The following DGKG variants were observed in gnomAD, a reference collection of about 807,000 sequenced individuals.
DGKG encodes the protein DAG kinase gamma.
In DGKG, 78 loss-of-function variants were observed where a neutral mutation model predicts 105.3. That is an observed-to-expected ratio of 0.74 (90% CI 0.62 to 0.89). DGKG has a LOEUF of 0.89. Among genes scored for constraint, DGKG ranks in the 40% least tolerant of loss-of-function variants. The probability of loss-of-function intolerance (pLI) is 0.00; values close to 1 mark genes in which losing one functional copy is unlikely to be tolerated. For missense variants in DGKG, 958 were observed against 1,020.1 expected, an observed-to-expected ratio of 0.94 and a Z score of 0.83; for synonymous variants, 346 against 367.1, an observed-to-expected ratio of 0.94 and a Z score of 0.66.
At chr3:186,299,844 T>TCTTTCTTTCTCTC (rs1723831766) in intron 3 of DGKG, among the ~76,000 whole-genome samples, 2 of 145,906 alleles carry the variant, frequency 1.4e-5, no homozygotes, top group African/African-American at 5.1e-5. Flanking sequence ...TTTCTTTTTT[T>TCTTTCTTTCTCTC]TTTTTTTTGA....
intron 16 of DGKG, among the ~76,000 whole-genome samples, chr3:186,259,408 A>T (rs1180769156): frequency 6.6e-6 from 1 of 152,186 alleles, no homozygotes; most frequent in African/African-American, 2.4e-5. Context: ...TGGTGTACAG[A>T]GGTGGGCTCT....
At chr3:186,166,736 G>A (rs978673915) in intron 22 of DGKG, among the ~76,000 whole-genome samples, 4 of 151,884 alleles carry the variant, frequency 2.6e-5, no homozygotes, top group African/African-American at 9.7e-5. Context: ...TAGGGGTGAG[G>A]GGGTTTGAGG....
At chr3:186,299,771 T>C (rs12498093) in intron 3 of DGKG, among the ~76,000 whole-genome samples, 3 of 39,964 alleles carry the variant, frequency 7.5e-5, no homozygotes, top group East Asian at 1.4e-3. Context: ...TCTTTTCTCT[T>C]TCTTTCTTTC....
intron 24 of DGKG, among the ~76,000 whole-genome samples, chr3:186,151,735 G>A (rs376954749): frequency 1.3e-5 from 2 of 152,206 alleles, no homozygotes; most frequent in South Asian, 2.1e-4. Flanking sequence ...TTTAACAGCT[G>A]TTGTCAAGGT....
intron 13 of DGKG, among the ~76,000 whole-genome samples, chr3:186,266,950 T>C (rs1258279371): frequency 6.6e-6 from 1 of 152,114 alleles, no homozygotes; most frequent in African/African-American, 2.4e-5. Context: ...CAGAGTGAGA[T>C]GTGAGGAATG....
rs150053259 is a variant in DGKG at position 186,300,269 on chromosome 3, T to C, written c.145-2040A>G. On this transcript the variant is annotated intron_variant, in intron 3 of 24. Coordinates refer to ENST00000265022, the MANE Select transcript of DGKG (RefSeq NM_001346.3). ...GTCCACTATTCCAAAGAAATTGCTG[T>C]CTACCAGATCTACTGGCCCATCCTT... Among the ~76,000 whole-genome samples, 305 of 152,310 alleles carry C rather than the reference T, an allele frequency of 2.0e-3. 6 individuals are homozygous for C. The South Asian group carries it at 0.028, about 14-fold the overall frequency.
Position 186,149,229 on chromosome 3 carries a change from G to A in DGKG, c.*861C>T. The A allele has an allele frequency of 1.0e-6, 1 of 984,850 alleles. No homozygotes were observed. Among genetic ancestry groups the A allele is most frequent in the Non-Finnish European group, 1.2e-6 (1 of 829,756 alleles). The allele number at this position is 984,850 out of a possible 1,614,324, so 61.0% of individuals were successfully genotyped here. A position where few individuals can be genotyped will look rare whatever the true frequency, so the allele number is the denominator to read the frequency against. On this transcript the variant is annotated 3_prime_UTR_variant, in exon 25 of 25. Transcript: ENST00000265022. ...CTTTGGCTTGAAAAAGAAAGAAGCT[G>A]GGGGTGGTTTTTTTTTTCCTTCCCT... is the stretch of plus-strand genomic sequence containing the variant.
intron 22 of DGKG, among the ~76,000 whole-genome samples, chr3:186,177,264 T>C (rs2108491165): frequency 6.6e-6 from 1 of 152,240 alleles, no homozygotes; most frequent in East Asian, 1.9e-4. Context: ...TCAAACTCCA[T>C]GAACAGTCTC....
intron 3 of DGKG, among the ~76,000 whole-genome samples, chr3:186,302,553 TATATAC>T (rs1179165632): frequency 2.1e-3 from 63 of 29,528 alleles, no homozygotes; most frequent in African/African-American, 7.5e-3. Flanking sequence ...TATATATATA[TATATAC>T]ACATATGTAT....
chr3:186,313,225 T>A (rs1724645014), intron 2 of DGKG, among the ~76,000 whole-genome samples: 1 of 152,220 alleles, frequency 6.6e-6, no homozygotes, highest in Non-Finnish European at 1.5e-5. Context: ...ACATTGGAAG[T>A]ATTCCAAGCC....
Position 186,268,867 on chromosome 3 carries a change from C to A in DGKG, c.1050G>T (p.Arg350=), listed in dbSNP as rs369950391. ...VEGNSSVKCD[R]CHKSIKCYQS... ...GGTAGCACTTGATACTTTTGTGGCA[C>A]CGGTCACACTTGACGGAGGAGTTCC... Residue 350 remains arginine, a synonymous_variant, in exon 12 of 25, where the codon CGG becomes CGT. Coordinates refer to ENST00000265022, the MANE Select transcript of DGKG (RefSeq NM_001346.3). 1 of 1,613,954 alleles carries A rather than the reference C, an allele frequency of 6.2e-7. No homozygotes were observed. Among genetic ancestry groups the A allele is most frequent in the Non-Finnish European group, 8.5e-7 (1 of 1,180,020 alleles).
At chr3:186,187,282 A>G (rs2108499944) in intron 22 of DGKG, among the ~76,000 whole-genome samples, 1 of 152,352 alleles carries the variant, frequency 6.6e-6, no homozygotes, top group South Asian at 2.1e-4. Context: ...GCTCAGATCA[A>G]GATGGCAGGA....
chr3:186,216,437 G>T (rs1719298245), intron 20 of DGKG, among the ~76,000 whole-genome samples: 1 of 152,126 alleles, frequency 6.6e-6, no homozygotes, highest in Non-Finnish European at 1.5e-5. Flanking sequence ...AGAAGTGAAT[G>T]CATTCTATTC....
intron 1 of DGKG, among the ~76,000 whole-genome samples, chr3:186,347,966 T>A (rs2108668225): frequency 6.6e-6 from 1 of 152,342 alleles, no homozygotes; most frequent in Non-Finnish European, 1.5e-5. Context: ...TAGTTTTATA[T>A]TCATCTACTG....
intron 24 of DGKG, among the ~76,000 whole-genome samples, chr3:186,153,899 G>T (rs1177627356): frequency 6.6e-6 from 1 of 152,080 alleles, no homozygotes; most frequent in African/African-American, 2.4e-5. Context: ...GAGCGCAGGA[G>T]TTCAAGACCA....
chr3:186,165,427 C>T (rs1716493850), intron 22 of DGKG, among the ~76,000 whole-genome samples: 1 of 152,234 alleles, frequency 6.6e-6, no homozygotes, highest in Admixed American at 6.5e-5. Context: ...GACCAAGTCT[C>T]TCTTCTCTGA....
intron 21 of DGKG, among the ~76,000 whole-genome samples, chr3:186,196,408 GGA>G (rs1718186140): frequency 6.6e-6 from 1 of 152,050 alleles, no homozygotes; most frequent in African/African-American, 2.4e-5. Flanking sequence ...CAAAGTTCTG[GGA>G]TTACAGGCAT....
intron 23 of DGKG, 118 bp downstream of exon 23, chr3:186,164,780 C>G (rs1716455749): frequency 2.4e-6 from 3 of 1,228,128 alleles, no homozygotes; most frequent in Non-Finnish European, 3.4e-6. Flanking sequence ...CAAACATTAT[C>G]AAGCTTTTGT....
intron 21 of DGKG, among the ~76,000 whole-genome samples, chr3:186,209,945 A>T (rs958202629): frequency 6.6e-6 from 1 of 152,182 alleles, no homozygotes; most frequent in Non-Finnish European, 1.5e-5. Flanking sequence ...TTATGGAGAG[A>T]TAAGGAAAAC....
Sources: gnomAD v4.1 joint callset for allele counts (sites outside exome capture counted in the v4.1 genomes callset) on GRCh38, gnomAD v4.1.1 for gene constraint, MANE v1.5 for transcripts, NCBI Gene and HGNC (gene_info 2026-07-23, HGNC 2026-07-21) for gene names.